KCNH5: variants seen among roughly 807,000 people sequenced by gnomAD.
The protein encoded by KCNH5 is voltage-gated delayed rectifier potassium channel KCNH5.
KCNH5 carries 46 observed loss-of-function variants against 96.1 expected under a neutral mutation model. That is an observed-to-expected ratio of 0.48 (90% CI 0.38 to 0.61). The LOEUF (loss-of-function observed/expected upper bound fraction) is 0.61, where lower values mean the gene tolerates loss of function less well. KCNH5 is among the 20% of genes least tolerant of loss of function. KCNH5 has a pLI of 0.00. For synonymous variants in KCNH5, 439 were observed against 449.8 expected (o/e 0.98, Z 0.30); for missense variants, 907 against 1,225.8 (o/e 0.74, Z 3.88).
chr14:62,945,316 T>C (rs1889865785), intron 7 of KCNH5, among the ~76,000 whole-genome samples: 1 of 152,090 alleles, frequency 6.6e-6, no homozygotes, highest in Admixed American at 6.6e-5. Flanking sequence ...AGGAAGACAA[T>C]GCAGGTGAGC....
At chr14:62,917,353 GGT>G (rs1491383126) in intron 7 of KCNH5, among the ~76,000 whole-genome samples, 1 of 142,222 alleles carries the variant, frequency 7.0e-6, no homozygotes, top group Non-Finnish European at 1.5e-5. Flanking sequence ...TGGTTTGTTA[GGT>G]TTTTTTTTTT....
At chr14:63,000,652 A>T (rs538093899) in intron 4 of KCNH5, among the ~76,000 whole-genome samples, 2 of 152,368 alleles carry the variant, frequency 1.3e-5, no homozygotes, top group South Asian at 2.1e-4. Flanking sequence ...GTAATTCAAC[A>T]AAATTCAATC....
intron 10 of KCNH5, among the ~76,000 whole-genome samples, chr14:62,748,594 G>C (rs542511958): frequency 6.6e-6 from 1 of 151,980 alleles, no homozygotes; most frequent in Admixed American, 6.6e-5. Context: ...TTAATCCTAA[G>C]GGTTGCAGAG....
At chr14:63,020,477 T>G (rs1891404395) in intron 1 of KCNH5, among the ~76,000 whole-genome samples, 1 of 151,988 alleles carries the variant, frequency 6.6e-6, no homozygotes, top group Non-Finnish European at 1.5e-5. Flanking sequence ...AGCTCTAAAA[T>G]GGAACAAAAA....
chr14:62,973,913 G>A (rs1028214027), intron 6 of KCNH5, among the ~76,000 whole-genome samples: 1 of 152,154 alleles, frequency 6.6e-6, no homozygotes, highest in Admixed American at 6.5e-5. Context: ...TAAGCTGACA[G>A]AAGTTACTGA....
intron 8 of KCNH5, among the ~76,000 whole-genome samples, chr14:62,813,467 T>C (rs774224271): frequency 1.2e-4 from 19 of 152,200 alleles, no homozygotes; most frequent in Non-Finnish European, 2.4e-4. Context: ...CAAGGCTTCT[T>C]CTTGAGGTCT....
At chr14:62,908,174 T>C (rs1421669589) in intron 7 of KCNH5, among the ~76,000 whole-genome samples, 1 of 152,222 alleles carries the variant, frequency 6.6e-6, no homozygotes, top group Non-Finnish European at 1.5e-5. Flanking sequence ...AAACAGTTTG[T>C]TAAGCATCAA....
intron 10 of KCNH5, among the ~76,000 whole-genome samples, chr14:62,749,713 C>T (rs977823550): frequency 5.9e-5 from 9 of 152,158 alleles, no homozygotes; most frequent in Non-Finnish European, 1.2e-4. Context: ...AGGGGCCACT[C>T]GAACCCTTAA....
intron 8 of KCNH5, among the ~76,000 whole-genome samples, chr14:62,844,631 C>A (rs973412347): frequency 6.6e-6 from 1 of 152,104 alleles, no homozygotes; most frequent in African/African-American, 2.4e-5. Context: ...AAATCTAAAG[C>A]AACCGTACTA....
chr14:62,873,210 T>C (rs1307660833), intron 7 of KCNH5, among the ~76,000 whole-genome samples: 1 of 151,186 alleles, frequency 6.6e-6, no homozygotes, highest in African/African-American at 2.4e-5. Context: ...AAAATGCAAA[T>C]GTAAATTTCT....
intron 8 of KCNH5, among the ~76,000 whole-genome samples, chr14:62,841,841 G>A (rs537825307): frequency 1.3e-5 from 2 of 152,302 alleles, no homozygotes; most frequent in South Asian, 4.1e-4. Flanking sequence ...ACAAAAGCGT[G>A]GAACCTGATG....
At chr14:62,738,539 G>T (rs764918687) in intron 10 of KCNH5, among the ~76,000 whole-genome samples, 5 of 152,184 alleles carry the variant, frequency 3.3e-5, no homozygotes, top group Middle Eastern at 3.4e-3. Context: ...GTCATACAAT[G>T]ATTTCTTTAA....
At chr14:62,796,706 C>G (rs1336813510) in intron 9 of KCNH5, among the ~76,000 whole-genome samples, 3 of 152,176 alleles carry the variant, frequency 2.0e-5, no homozygotes. Context: ...CGTGACACAT[C>G]CTCAGGAAGT....
chr14:62,762,578 G>A (rs1885774825), intron 10 of KCNH5, among the ~76,000 whole-genome samples: 1 of 152,096 alleles, frequency 6.6e-6, no homozygotes, highest in Admixed American at 6.5e-5. Flanking sequence ...TCAATGGCAT[G>A]CATATGCACA....
At chr14:62,976,548 C>T (rs78260031) in intron 6 of KCNH5, among the ~76,000 whole-genome samples, 37 of 152,144 alleles carry the variant, frequency 2.4e-4, no homozygotes, top group African/African-American at 8.7e-4. Context: ...AGTAGTCATG[C>T]TTTTCCAGGC....
chr14:62,779,653 T>C, intron 10 of KCNH5, 75 bp downstream of exon 10: 2 of 1,214,806 alleles, frequency 1.6e-6, no homozygotes, highest in Non-Finnish European at 2.3e-6. Context: ...ATATCTTCTC[T>C]ACTCTTCAGC....
intron 10 of KCNH5, among the ~76,000 whole-genome samples, chr14:62,734,108 C>G (rs1295382230): frequency 2.0e-5 from 3 of 152,122 alleles, no homozygotes; most frequent in Non-Finnish European, 4.4e-5. Flanking sequence ...TCCCTCTTGG[C>G]CAATGGCTCA....
intron 6 of KCNH5, among the ~76,000 whole-genome samples, chr14:62,955,479 T>C (rs1890086484): frequency 6.6e-6 from 1 of 152,230 alleles, no homozygotes; most frequent in South Asian, 2.1e-4. Flanking sequence ...CATTAAAGCA[T>C]GGCCCAGAAA....
Position 62,981,083 on chromosome 14 carries a change from T to C in KCNH5, c.731A>G (p.Asn244Ser), listed in dbSNP as rs1229966999. 2 of 1,614,206 alleles carry C rather than the reference T, an allele frequency of 1.2e-6. No homozygotes were observed. The highest frequency in any genetic ancestry group is 1.7e-5 in the Admixed American group (1 of 60,026). ...YNVSFKTKQNNIAWLVLDSVV... is the reference protein window; with the variant it reads ...YNVSFKTKQNSIAWLVLDSVV... ...ACTATCCAGTACCAGCCAGGCTATGTTGTTCTGCTTTGTTTTGAAGGAAAC... is the reference window on the plus strand; with the variant it reads ...ACTATCCAGTACCAGCCAGGCTATGCTGTTCTGCTTTGTTTTGAAGGAAAC... Residue 244 changes from asparagine (N) to serine (S), a missense_variant, in exon 6 of 11, where the codon AAC (asparagine) becomes AGC (serine). Physicochemically the swap from Asn to Ser is conservative, Grantham distance 46. Transcript: ENST00000322893.
Sources: allele counts gnomAD v4.1 joint callset (sites outside exome capture counted in the v4.1 genomes callset), GRCh38; gene constraint gnomAD v4.1.1; transcripts MANE v1.5; gene names NCBI Gene and HGNC (gene_info 2026-07-23, HGNC 2026-07-21).